PPP2R3C: variants seen among roughly 807,000 people sequenced by gnomAD.
The protein encoded by PPP2R3C is protein phosphatase 2 regulatory subunit B''gamma, also known as serine/threonine-protein phosphatase 2A regulatory subunit B'' subunit gamma.
In PPP2R3C, 47 loss-of-function variants were observed where a neutral mutation model predicts 63.7. The observed-to-expected ratio is 0.74, with a 90% CI of 0.58 to 0.94. PPP2R3C has a LOEUF of 0.94. Among genes scored for constraint, PPP2R3C ranks in the 40% least tolerant of loss-of-function variants. The pLI is 0.00. For synonymous variants in PPP2R3C, 180 were observed against 177.4 expected, an observed-to-expected ratio of 1.01 and a Z score of -0.12; for missense variants, 421 against 518.4, an observed-to-expected ratio of 0.81 and a Z score of 1.82.
At chr14:35,098,731 T>C (rs949845532) in intron 7 of PPP2R3C, 4 of 152,626 alleles carry the variant, frequency 2.6e-5, no homozygotes, top group African/African-American at 9.7e-5. Flanking sequence ...TCCAGTTACA[T>C]GTAGTTAAGT....
intron 10 of PPP2R3C, among the ~76,000 whole-genome samples, chr14:35,093,954 G>T (rs1377421869): frequency 6.6e-6 from 1 of 152,144 alleles, no homozygotes; most frequent in African/African-American, 2.4e-5. Flanking sequence ...AGCAAAAATG[G>T]TGATTTTAAA....
chr14:35,107,023 A>C (rs2046385832), intron 6 of PPP2R3C, among the ~76,000 whole-genome samples: 1 of 151,892 alleles, frequency 6.6e-6, no homozygotes, highest in Non-Finnish European at 1.5e-5. Context: ...AATCAGTAGA[A>C]CCTGTAGGAT....
chr14:35,103,631 T>C (rs2046261159), intron 6 of PPP2R3C, among the ~76,000 whole-genome samples: 1 of 151,988 alleles, frequency 6.6e-6, no homozygotes, highest in African/African-American at 2.4e-5. Flanking sequence ...GTATAACATT[T>C]AGAATGAGCT....
intron 6 of PPP2R3C, chr14:35,102,009 C>T (rs1011624453): frequency 4.0e-5 from 6 of 150,340 alleles, no homozygotes; most frequent in Non-Finnish European, 8.8e-5. Context: ...ATTTAAAAGC[C>T]TTCCATGGTT....
intron 10 of PPP2R3C, among the ~76,000 whole-genome samples, chr14:35,094,506 A>C (rs1440948221): frequency 6.6e-6 from 1 of 151,372 alleles, no homozygotes; most frequent in Non-Finnish European, 1.5e-5. Context: ...ACTAGAATGC[A>C]CTACTGTACA....
intron 11 of PPP2R3C, among the ~76,000 whole-genome samples, chr14:35,090,108 C>A (rs2045750767): frequency 6.6e-6 from 1 of 152,030 alleles, no homozygotes; most frequent in Non-Finnish European, 1.5e-5. Flanking sequence ...ACGTCAGGGG[C>A]TGTACTACCA....
intron 7 of PPP2R3C, 196 bp downstream of exon 7, chr14:35,099,056 A>G (rs1429009502): frequency 1.1e-5 from 7 of 651,846 alleles, no homozygotes; most frequent in Non-Finnish European, 1.6e-5. Context: ...CAAGTAAATC[A>G]TAAAAGATCT....
In PPP2R3C at chr14:35,121,439, A is replaced by C. The variant is rs565206583; in HGVS notation, c.58+463T>G. Among the ~76,000 whole-genome samples the C allele has an allele frequency of 4.6e-5, 7 of 152,208 alleles. No homozygotes were observed. The East Asian group carries it at 1.3e-3, about 29-fold the overall frequency. ...CTGTTTTTCTCCAGCCACTTTCAAC[A>C]GCCCTTAGTGCGGGTGTGGAATAGG... On this transcript the variant is annotated intron_variant, in intron 1 of 12. Transcript: ENST00000261475.
At chr14:35,114,772 C>T (rs2046660006) in intron 2 of PPP2R3C, among the ~76,000 whole-genome samples, 1 of 152,100 alleles carries the variant, frequency 6.6e-6, no homozygotes, top group Non-Finnish European at 1.5e-5. Context: ...GCAGGTAGAT[C>T]ACCTGAGATC....
At chr14:35,091,045 A>G in intron 11 of PPP2R3C, 25 bp downstream of exon 11, 3 of 1,580,028 alleles carry the variant, frequency 1.9e-6, no homozygotes, top group Non-Finnish European at 2.6e-6. Flanking sequence ...AGGAACAATG[A>G]CTCACTTATG....
chr14:35,120,452 A>G (rs2046836181), intron 1 of PPP2R3C, among the ~76,000 whole-genome samples: 3 of 145,106 alleles, frequency 2.1e-5, no homozygotes, highest in African/African-American at 5.1e-5. Flanking sequence ...TCACCGTGTT[A>G]GCCAGGATGG....
At chr14:35,120,420 T>C (rs2046834225) in intron 1 of PPP2R3C, among the ~76,000 whole-genome samples, 1 of 151,620 alleles carries the variant, frequency 6.6e-6, no homozygotes, top group Non-Finnish European at 1.5e-5. Context: ...AATTTTTTTG[T>C]ATTTTTAGTA....
At chr14:35,095,962 G>T (rs973940107) in intron 9 of PPP2R3C, among the ~76,000 whole-genome samples, 8 of 151,672 alleles carry the variant, frequency 5.3e-5, no homozygotes, top group African/African-American at 1.9e-4. Context: ...AACAAAGCAT[G>T]ACAATAGCTA....
intron 6 of PPP2R3C, among the ~76,000 whole-genome samples, chr14:35,104,568 C>A (rs1463482508): frequency 6.6e-6 from 1 of 152,078 alleles, no homozygotes; most frequent in Admixed American, 6.6e-5. Flanking sequence ...AATTTAGATA[C>A]CCATACTCAG....
chr14:35,094,953 C>CA (rs566863539), intron 10 of PPP2R3C, 95 bp downstream of exon 10: 12,595 of 1,086,590 alleles, frequency 0.012, no homozygotes, highest in Non-Finnish European at 0.012. Context: ...GACTCTGTCT[C>CA]AAAAAAAAAA....
At chr14:35,121,777 CT>C in intron 1 of PPP2R3C, 124 bp downstream of exon 1, 1 of 1,088,168 alleles carries the variant, frequency 9.2e-7, no homozygotes. Flanking sequence ...ACTCCGCCTC[CT>C]TTGTCGGGAG....
Position 35,109,947 on chromosome 14 carries a change from G to C in PPP2R3C, c.292-16C>G. 6.5e-7 allele frequency: 1 copy of C among 1,529,330 alleles called. No homozygotes were observed. The highest frequency in any genetic ancestry group is 9.0e-7 in the Non-Finnish European group (1 of 1,115,254). 94.7% of individuals were successfully genotyped at this position (1,529,330 alleles called of 1,614,324 possible). ...ACCATAAGTTCTTAAGAGAATTGTG[G>C]AAGTGAAGATGTTGTAAGTTAAAAA... On this transcript the variant is annotated splice_polypyrimidine_tract_variant and intron_variant, in intron 3 of 12. Coordinates refer to ENST00000261475, the MANE Select transcript of PPP2R3C (RefSeq NM_017917.4).
intron 6 of PPP2R3C, chr14:35,102,515 C>T (rs74043824): frequency 2.3e-4 from 35 of 152,256 alleles, no homozygotes; most frequent in African/African-American, 8.2e-4. Flanking sequence ...CCAACAGTTA[C>T]TCAAAATAAA....
At chr14:35,117,146 A>T in intron 1 of PPP2R3C, 1 of 455,916 alleles carries the variant, frequency 2.2e-6, no homozygotes, top group South Asian at 1.5e-5. Flanking sequence ...GACCTCATGG[A>T]GTTTCAGCCT....
Sources: allele counts gnomAD v4.1 joint callset (sites outside exome capture counted in the v4.1 genomes callset), GRCh38; gene constraint gnomAD v4.1.1; transcripts MANE v1.5; gene names NCBI Gene and HGNC (gene_info 2026-07-23, HGNC 2026-07-21).